The following UNC13C variants were observed in gnomAD, a reference collection of about 807,000 sequenced individuals.
UNC13C encodes the protein unc-13 homolog C.
A neutral mutation model predicts 245.4 loss-of-function variants in UNC13C; 174 were observed. The observed-to-expected ratio is 0.71, with a 90% CI of 0.63 to 0.80. UNC13C has a LOEUF of 0.80. UNC13C is among the 30% of genes least tolerant of loss of function. The pLI is 0.00. For missense variants in UNC13C, 2,829 were observed against 2,602.9 expected (o/e 1.09, Z -1.89); for synonymous variants, 992 against 895.1 (o/e 1.11, Z -1.93).
chr15:53,978,052 T>G (rs1035527178), upstream of UNC13C, among the ~76,000 whole-genome samples: 1 of 152,222 alleles, frequency 6.6e-6, no homozygotes, highest in African/African-American at 2.4e-5. Context: ...GGAATGATAC[T>G]GTGTGCGGTA....
chr15:54,304,339 A>G (rs554299723), intron 13 of UNC13C, among the ~76,000 whole-genome samples: 2 of 152,242 alleles, frequency 1.3e-5, no homozygotes, highest in East Asian at 1.9e-4. Flanking sequence ...TTCATTGACA[A>G]TTACACTTCA....
chr15:54,267,336 GC>G (rs2036572742), intron 10 of UNC13C, among the ~76,000 whole-genome samples: 1 of 148,408 alleles, frequency 6.7e-6, no homozygotes, highest in African/African-American at 2.6e-5. Flanking sequence ...TAAAGCACTG[GC>G]TAAGATTTCC....
chr15:54,233,346 C>A (rs745923857), intron 4 of UNC13C, among the ~76,000 whole-genome samples: 2 of 152,028 alleles, frequency 1.3e-5, no homozygotes, highest in Non-Finnish European at 2.9e-5. Context: ...CTGCTTCACA[C>A]GTATTCTATT....
chr15:54,610,372 T>G (rs1408482174), intron 30 of UNC13C, among the ~76,000 whole-genome samples: 2 of 152,054 alleles, frequency 1.3e-5, no homozygotes, highest in Non-Finnish European at 2.9e-5. Context: ...GTATCTGGAA[T>G]TACAGGCACA....
intron 4 of UNC13C, among the ~76,000 whole-genome samples, chr15:54,209,475 C>T (rs920533765): frequency 4.0e-4 from 60 of 151,834 alleles, no homozygotes; most frequent in Admixed American, 1.3e-4. Context: ...TACAGCTGCA[C>T]AATCACGGCT....
At chr15:54,240,675 G>C (rs139252500) in intron 7 of UNC13C, among the ~76,000 whole-genome samples, 1 of 152,104 alleles carries the variant, frequency 6.6e-6, no homozygotes, top group Admixed American at 6.5e-5. Context: ...CCCATGAGGC[G>C]CTATTAGGAC....
At chr15:53,865,791 A>G in the UNC13C span, among the ~76,000 whole-genome samples, 5 of 152,116 alleles carry the variant, frequency 3.3e-5, no homozygotes, top group East Asian at 9.6e-4. Flanking sequence ...AAGTATATTT[A>G]TATTTATTTT....
At chr15:54,537,782 C>T (rs968293460) in intron 26 of UNC13C, among the ~76,000 whole-genome samples, 6 of 151,962 alleles carry the variant, frequency 3.9e-5, no homozygotes, top group African/African-American at 1.4e-4. Flanking sequence ...ACTGGCTAGC[C>T]ATATGCAGAA....
chr15:54,618,872 A>T (rs533622064), intron 30 of UNC13C, among the ~76,000 whole-genome samples: 10 of 152,286 alleles, frequency 6.6e-5, no homozygotes, highest in African/African-American at 2.4e-4. Context: ...CTTACGGAAA[A>T]AGTTAAAATT....
chr15:54,266,212 C>A (rs116917640), intron 10 of UNC13C, among the ~76,000 whole-genome samples: 3,708 of 151,864 alleles, frequency 0.024, 58 homozygotes, highest in Non-Finnish European at 0.031. Context: ...GAACATATAG[C>A]TTATTTGGGA....
At chr15:53,846,997 T>C in the UNC13C span, among the ~76,000 whole-genome samples, 1 of 152,058 alleles carries the variant, frequency 6.6e-6, no homozygotes. Flanking sequence ...ATAGTTGTCC[T>C]AGAGAGACCT....
intron 24 of UNC13C, among the ~76,000 whole-genome samples, chr15:54,514,213 T>C (rs1190589883): frequency 1.3e-5 from 2 of 152,222 alleles, no homozygotes; most frequent in African/African-American, 4.8e-5. Context: ...TTGAAAATTA[T>C]AGAATTCACC....
At chr15:54,619,812 T>C (rs1215855094) in intron 30 of UNC13C, among the ~76,000 whole-genome samples, 1 of 152,140 alleles carries the variant, frequency 6.6e-6, no homozygotes, top group Non-Finnish European at 1.5e-5. Flanking sequence ...TTACTAATAA[T>C]AAAGGCATTC....
chr15:54,302,103 A>T (rs1240656576), intron 13 of UNC13C, among the ~76,000 whole-genome samples: 1 of 151,960 alleles, frequency 6.6e-6, no homozygotes, highest in Admixed American at 6.6e-5. Flanking sequence ...GAGAAGTGTA[A>T]GTACATATCC....
intron 4 of UNC13C, among the ~76,000 whole-genome samples, chr15:54,227,172 G>T (rs967679979): frequency 6.6e-6 from 1 of 152,090 alleles, no homozygotes; most frequent in Non-Finnish European, 1.5e-5. Context: ...CAGGCAGATC[G>T]TTCTTATTTC....
At chr15:54,519,890 A>G (rs2141129952) in intron 24 of UNC13C, among the ~76,000 whole-genome samples, 1 of 152,296 alleles carries the variant, frequency 6.6e-6, no homozygotes, top group East Asian at 1.9e-4. Flanking sequence ...ATTCTCAGTC[A>G]TATATTTTAA....
At chr15:53,937,204 C>T in the UNC13C span, among the ~76,000 whole-genome samples, 1,092 of 152,186 alleles carry the variant, frequency 7.2e-3, 13 homozygotes, top group African/African-American at 0.025. Flanking sequence ...CCTGATGGAG[C>T]TGAAAAACAC....
chr15:53,928,592 T>TA, the UNC13C span, among the ~76,000 whole-genome samples: 8,816 of 149,914 alleles, frequency 0.059, 503 homozygotes, highest in African/African-American at 0.15. Context: ...TCTAACTATG[T>TA]AAAAAAAAAA....
intron 4 of UNC13C, among the ~76,000 whole-genome samples, chr15:54,224,486 C>T (rs528993217): frequency 1.7e-4 from 26 of 152,150 alleles, no homozygotes; most frequent in Admixed American, 4.6e-4. Flanking sequence ...AAATCATCTT[C>T]GGTTATGATC....
Sources: allele counts gnomAD v4.1 joint callset (sites outside exome capture counted in the v4.1 genomes callset), GRCh38; gene constraint gnomAD v4.1.1; transcripts MANE v1.5; gene names NCBI Gene and HGNC (gene_info 2026-07-23, HGNC 2026-07-21).